The following SLX4IP variants were observed in gnomAD, a reference collection of about 807,000 sequenced individuals.
The protein encoded by SLX4IP is protein SLX4IP.
A neutral mutation model predicts 32.9 loss-of-function variants in SLX4IP; 34 were observed. The ratio of observed to expected loss-of-function variants is 1.03; its 90% CI spans 0.79 to 1.38. The LOEUF (loss-of-function observed/expected upper bound fraction) is 1.38, where lower values mean the gene tolerates loss of function less well. SLX4IP is among the 40% of genes most tolerant of loss of function. The pLI, the probability that SLX4IP is intolerant of heterozygous loss-of-function variation, is 0.00. For missense variants in SLX4IP, 444 were observed against 479.0 expected (o/e 0.93, Z 0.68); for synonymous variants, 172 against 171.7 (o/e 1.00, Z -0.01).
At position 10,624,422 on chromosome 20, in the gene SLX4IP, G is replaced by C. The variant is rs1249783565; in HGVS notation, c.*1043G>C. ...TTTACAATGTCACCCACTGTCTCCA[G>C]TGGGCTTGATGAAATGTCACATAGT... On this transcript the variant is annotated 3_prime_UTR_variant, in exon 8 of 8. Transcript: ENST00000334534. 3 of 152,182 alleles carry C rather than the reference G, an allele frequency of 2.0e-5. No homozygotes were observed. Among genetic ancestry groups the C allele is most frequent in the Non-Finnish European group, 4.4e-5 (3 of 68,032 alleles). The allele number at this position is 152,182 out of a possible 1,614,324, so 9.4% of individuals were successfully genotyped here.
At chr20:10,618,223 C>T (rs759013154) in intron 6 of SLX4IP, among the ~76,000 whole-genome samples, 24 of 152,262 alleles carry the variant, frequency 1.6e-4, no homozygotes, top group South Asian at 1.2e-3. Flanking sequence ...CCCCAAAGAT[C>T]GAGAAAAGTC....
intron 6 of SLX4IP, among the ~76,000 whole-genome samples, chr20:10,603,945 C>T (rs2066872765): frequency 6.6e-6 from 1 of 152,200 alleles, no homozygotes; most frequent in Admixed American, 6.5e-5. Flanking sequence ...ACAGAGTCTG[C>T]CTGTCTCAGC....
chr20:10,525,788 C>T (rs182498845), intron 2 of SLX4IP, among the ~76,000 whole-genome samples: 7 of 152,328 alleles, frequency 4.6e-5, no homozygotes, highest in Middle Eastern at 3.4e-3. Context: ...CAAGGCTCAG[C>T]GCACAGACGT....
chr20:10,507,269 G>A (rs1264102772), intron 2 of SLX4IP, among the ~76,000 whole-genome samples: 1 of 152,134 alleles, frequency 6.6e-6, no homozygotes, highest in South Asian at 2.1e-4. Flanking sequence ...TGAAGAACCC[G>A]TCATGTGTAG....
At chr20:10,541,240 A>G (rs2066102362) in intron 2 of SLX4IP, among the ~76,000 whole-genome samples, 1 of 152,240 alleles carries the variant, frequency 6.6e-6, no homozygotes, top group South Asian at 2.1e-4. Flanking sequence ...CTTCTTTGGT[A>G]AAGTTCAAAG....
chr20:10,444,135 C>T (rs772396360), intron 1 of SLX4IP, among the ~76,000 whole-genome samples: 1 of 150,534 alleles, frequency 6.6e-6, no homozygotes, highest in African/African-American at 2.4e-5. Context: ...GCTCAGATAC[C>T]TCTAATGTTG....
chr20:10,535,092 G>T (rs2066027616), intron 2 of SLX4IP, among the ~76,000 whole-genome samples: 1 of 152,090 alleles, frequency 6.6e-6, no homozygotes, highest in African/African-American at 2.4e-5. Context: ...CAACAGACTG[G>T]TAATAGATTG....
intron 2 of SLX4IP, among the ~76,000 whole-genome samples, chr20:10,487,867 G>T (rs1246458152): frequency 6.6e-6 from 1 of 152,222 alleles, no homozygotes; most frequent in Non-Finnish European, 1.5e-5. Flanking sequence ...GAGGGAGGAA[G>T]TTAGGATACA....
rs1042659152 is a variant in SLX4IP at position 10,624,263 on chromosome 20, C to T, written c.*884C>T. The T allele has an allele frequency of 8.5e-5, 13 of 152,258 alleles. No individual in the cohort carries two copies. Among genetic ancestry groups the T allele is most frequent in the African/African-American group, 3.1e-4 (13 of 41,452 alleles). 9.4% of individuals were successfully genotyped at this position (152,258 alleles called of 1,614,324 possible). On this transcript the variant is annotated 3_prime_UTR_variant, in exon 8 of 8. Coordinates refer to ENST00000334534, the MANE Select transcript of SLX4IP (RefSeq NM_001009608.3). ...GCCTGTAGCTCAAGCATGTCCCAGTCCCTGCTCTTGCACCCACCTCCAGGA... is the reference window on the plus strand; with the variant it reads ...GCCTGTAGCTCAAGCATGTCCCAGTTCCTGCTCTTGCACCCACCTCCAGGA...
intron 1 of SLX4IP, among the ~76,000 whole-genome samples, chr20:10,444,311 C>T (rs1401448076): frequency 7.0e-6 from 1 of 143,510 alleles, no homozygotes; most frequent in Non-Finnish European, 1.6e-5. Context: ...ATTTATTGCT[C>T]ACAGTTCTGG....
chr20:10,541,682 C>T (rs985586510), intron 2 of SLX4IP, among the ~76,000 whole-genome samples: 1 of 152,064 alleles, frequency 6.6e-6, no homozygotes. Context: ...AATTTTGTCA[C>T]CCTTGTTAAA....
chr20:10,595,764 C>T (rs190104735), intron 4 of SLX4IP, among the ~76,000 whole-genome samples: 25 of 152,340 alleles, frequency 1.6e-4, no homozygotes, highest in Non-Finnish European at 2.2e-4. Context: ...GCCATAAGAA[C>T]TGGCATAGTA....
chr20:10,470,280 C>T (rs1436867069), intron 2 of SLX4IP, among the ~76,000 whole-genome samples: 3 of 152,114 alleles, frequency 2.0e-5, no homozygotes, highest in Non-Finnish European at 2.9e-5. Flanking sequence ...GATGGGGTAG[C>T]GATTGAGAGT....
intron 4 of SLX4IP, among the ~76,000 whole-genome samples, chr20:10,572,899 T>C (rs1269862269): frequency 4.6e-5 from 7 of 152,230 alleles, no homozygotes; most frequent in Non-Finnish European, 1.5e-5. Flanking sequence ...AGCAGCGTTC[T>C]GTGGTGGGGC....
intron 1 of SLX4IP, among the ~76,000 whole-genome samples, chr20:10,448,188 T>G (rs1047379854): frequency 3.3e-5 from 5 of 152,178 alleles, no homozygotes; most frequent in African/African-American, 1.2e-4. Context: ...TTTTACTGCC[T>G]TTGTCTGGTT....
chr20:10,563,837 T>C (rs2066358405), intron 4 of SLX4IP, among the ~76,000 whole-genome samples: 1 of 152,232 alleles, frequency 6.6e-6, no homozygotes, highest in Non-Finnish European at 1.5e-5. Context: ...AATCAGGTAG[T>C]ATGATGTTTC....
At position 10,625,466 on chromosome 20, in the gene SLX4IP, ATTTG is replaced by A. The variant is rs1294261194; in HGVS notation, c.*2094_*2097del. ...AGAACATTTCTATTGAGAAGTTTTT[ATTTG>A]TTTGTTCTGTTGGTTTTTTGTTATT... On this transcript the variant is annotated 3_prime_UTR_variant, in exon 8 of 8. Coordinates refer to ENST00000334534, the MANE Select transcript of SLX4IP (RefSeq NM_001009608.3). 18 of 152,088 alleles carry A rather than the reference ATTTG, an allele frequency of 1.2e-4. No individual in the cohort carries two copies. The highest frequency in any genetic ancestry group is 4.3e-4 in the African/African-American group (18 of 41,406). The allele number at this position is 152,088 out of a possible 1,614,324, so 9.4% of individuals were successfully genotyped here.
chr20:10,533,071 G>A (rs1439582453), intron 2 of SLX4IP, among the ~76,000 whole-genome samples: 1 of 151,946 alleles, frequency 6.6e-6, no homozygotes, highest in African/African-American at 2.4e-5. Context: ...CACCACGCCT[G>A]GCCCACAAGC....
chr20:10,553,076 TG>T (rs2066233983), intron 2 of SLX4IP, among the ~76,000 whole-genome samples: 1 of 152,184 alleles, frequency 6.6e-6, no homozygotes, highest in Non-Finnish European at 1.5e-5. Context: ...TGAACTTGCA[TG>T]GGAAAAAGTT....
Sources: gnomAD v4.1 joint callset for allele counts (sites outside exome capture counted in the v4.1 genomes callset) on GRCh38, gnomAD v4.1.1 for gene constraint, MANE v1.5 for transcripts, NCBI Gene and HGNC (gene_info 2026-07-23, HGNC 2026-07-21) for gene names.